Variants in GPR55 observed in about 807,000 individuals in gnomAD.
The protein encoded by GPR55 is G protein-coupled receptor 55.
In GPR55, 6 loss-of-function variants were observed where a neutral mutation model predicts 7.9. The observed-to-expected ratio is 0.76, with a 90% CI of 0.41 to 1.49. The LOEUF is 1.49. Ranked by LOEUF, GPR55 falls within the 40% of genes most tolerant of loss-of-function variation. The pLI is 0.01. For missense variants in GPR55, 376 were observed against 406.0 expected (o/e 0.93, Z 0.63); for synonymous variants, 183 against 166.8 (o/e 1.10, Z -0.75).
In GPR55 at chr2:230,915,083, C is replaced by T. The variant is rs1383740276; in HGVS notation, c.-134-3987G>A. Among the ~76,000 whole-genome samples, 3 of 152,244 alleles carry T rather than the reference C, an allele frequency of 2.0e-5. No individual in the cohort carries two copies. In the East Asian group the frequency reaches 5.8e-4, roughly 29 times the overall value. ...GGAGGAGCCCCACATCCGCAGAAAT[C>T]GCCCCAGGCTAGTGCCTCTGCCCAG... On this transcript the variant is annotated intron_variant, in intron 1 of 1. Transcript: ENST00000650999.
Position 230,938,397 on chromosome 2 carries a change from CAA to C in GPR55, c.-135+22376_-135+22377del, listed in dbSNP as rs66962280. Among the ~76,000 whole-genome samples, 321 of 116,252 alleles carry C rather than the reference CAA, an allele frequency of 2.8e-3. 1 individual carries two copies. Among genetic ancestry groups the C allele is most frequent in the African/African-American group, 7.9e-3 (272 of 34,550 alleles). 76.3% of individuals were successfully genotyped at this position (116,252 alleles called of 152,430 possible). ...AGTTCTCTTTCTGTAACCAGATGACCAAAAAAAAAAAAAAAACAAAGAAAGAA... is the reference window on the plus strand; with the variant it reads ...AGTTCTCTTTCTGTAACCAGATGACCAAAAAAAAAAAAAACAAAGAAAGAA... On this transcript the variant is annotated intron_variant, in intron 1 of 1. Coordinates refer to the GPR55 transcript ENST00000392039.
chr2:230,956,450 G>A (rs973615084), intron 1 of GPR55, among the ~76,000 whole-genome samples: 1 of 152,220 alleles, frequency 6.6e-6, no homozygotes, highest in Admixed American at 6.5e-5. Flanking sequence ...TTATAGGCAT[G>A]AGCCACCACT....
At chr2:230,955,784 T>G (rs1691473765) in intron 1 of GPR55, among the ~76,000 whole-genome samples, 2 of 150,970 alleles carry the variant, frequency 1.3e-5, no homozygotes, top group Non-Finnish European at 1.5e-5. Context: ...GTGCCTGCAG[T>G]GGTGTGATCA....
chr2:230,936,799 G>T (rs1372919600), intron 1 of GPR55, among the ~76,000 whole-genome samples: 1 of 152,140 alleles, frequency 6.6e-6, no homozygotes, highest in African/African-American at 2.4e-5. Context: ...ACACAAAAAT[G>T]AATTATTAGA....
chr2:230,928,057 C>T (rs1465322093), upstream of GPR55, among the ~76,000 whole-genome samples: 1 of 152,176 alleles, frequency 6.6e-6, no homozygotes, highest in African/African-American at 2.4e-5. Context: ...GGTGCAGGCA[C>T]AGGCAGGAGG....
At chr2:230,912,348 G>A (rs1219333805) in intron 1 of GPR55, among the ~76,000 whole-genome samples, 2 of 152,124 alleles carry the variant, frequency 1.3e-5, no homozygotes, top group East Asian at 3.8e-4. Context: ...CCAAGATATC[G>A]ATGTATCAGG....
At chr2:230,925,330 T>A (rs530951081), upstream of GPR55, 2 of 152,722 alleles carry the variant, frequency 1.3e-5, no homozygotes, top group South Asian at 4.2e-4. Context: ...GCCGCTCCAG[T>A]GTCACCCTGT....
intron 1 of GPR55, among the ~76,000 whole-genome samples, chr2:230,912,658 T>C (rs1400598175): frequency 2.0e-5 from 3 of 152,230 alleles, no homozygotes; most frequent in African/African-American, 4.8e-5. Flanking sequence ...CAGGCTGGTC[T>C]TGAACTCCTG....
At chr2:230,929,750 C>T (rs1408788177), upstream of GPR55, 2 of 152,090 alleles carry the variant, frequency 1.3e-5, no homozygotes, top group Non-Finnish European at 2.9e-5. Flanking sequence ...CAGAGGAGGC[C>T]CTTTACTACG....
chr2:230,959,692 A>G (rs1559182495), intron 1 of GPR55, among the ~76,000 whole-genome samples: 1 of 152,106 alleles, frequency 6.6e-6, no homozygotes, highest in Non-Finnish European at 1.5e-5. Flanking sequence ...TGCACAGAAA[A>G]CAATCAGAGC....
intron 1 of GPR55, among the ~76,000 whole-genome samples, chr2:230,921,199 A>G (rs374502402): frequency 2.0e-5 from 3 of 150,680 alleles, no homozygotes; most frequent in East Asian, 3.9e-4. Flanking sequence ...AGGAAATGCA[A>G]AAGAAATTTT....
chr2:230,930,554 G>T (rs537164072), intron 1 of GPR55, among the ~76,000 whole-genome samples: 10 of 151,264 alleles, frequency 6.6e-5, no homozygotes, highest in Admixed American at 2.0e-4. Flanking sequence ...GGGCTAAAGC[G>T]ATCCTCCCAC....
rs1691281884 is a variant in GPR55 at position 230,944,526 on chromosome 2, G to C, written c.-135+16249C>G. On this transcript the variant is annotated intron_variant, in intron 1 of 1. Coordinates refer to the GPR55 transcript ENST00000392039. The surrounding 1 kb of genome is among the most constrained non-coding windows in gnomAD (Gnocchi z 4.2). The stretch of plus-strand genomic sequence containing the variant: ...GAGATGACTGTGACACCCGGCACAA[G>C]ATTTAATTCTCAGAGTGAAAACGAG... 6.6e-6 allele frequency among the ~76,000 whole-genome samples: 1 copy of C among 152,220 alleles called. No individual in the cohort carries two copies. Among genetic ancestry groups the C allele is most frequent in the Non-Finnish European group, 1.5e-5 (1 of 68,048 alleles).
chr2:230,910,228 C>T lies in GPR55; in HGVS notation c.735G>A (p.Gly245=). ...TTCTCACCAGGAACTGCAGGAAGAA[C>T]CCCAGGTGGACTGGGAGGAAGGAGA... The part of the protein sequence containing the change: ...FVVSFLPVHL[G]FFLQFLVRNS... The change falls in exon 2 of 2, where the codon GGG becomes GGA. Residue 245 remains glycine, a synonymous_variant. Transcript: ENST00000650999. The surrounding 1 kb of genome is among the most constrained non-coding windows in gnomAD (Gnocchi z 5.4). 1 of 1,613,990 alleles carries T rather than the reference C, an allele frequency of 6.2e-7. No homozygotes were observed. The highest frequency in any genetic ancestry group is 8.5e-7 in the Non-Finnish European group (1 of 1,179,850).
In GPR55 at chr2:230,935,249, C is replaced by T. The variant is rs539566921; in HGVS notation, c.-134-24153G>A. Among the ~76,000 whole-genome samples, 13 of 152,298 alleles carry T rather than the reference C, an allele frequency of 8.5e-5. No homozygotes were observed. In the East Asian group the frequency reaches 2.3e-3, roughly 27 times the overall value. ...ATCAGAAAAGGGGCCTCAGGTTACA[C>T]AGAGGCAGGCACGTCTTAGGAACTA... On this transcript the variant is annotated intron_variant, in intron 1 of 1. Coordinates refer to the GPR55 transcript ENST00000392039.
At chr2:230,928,344 C>T (rs1338043638), upstream of GPR55, among the ~76,000 whole-genome samples, 4 of 152,134 alleles carry the variant, frequency 2.6e-5, no homozygotes, top group Non-Finnish European at 5.9e-5. Context: ...CTGAGGCAGC[C>T]GGACTCTGAA....
intron 1 of GPR55, among the ~76,000 whole-genome samples, chr2:230,940,000 C>A (rs1691198834): frequency 6.6e-6 from 1 of 152,232 alleles, no homozygotes; most frequent in African/African-American, 2.4e-5. Context: ...CCACTGCCAC[C>A]CCCAGTAGGC....
In GPR55 at chr2:230,910,044, C is replaced by A; in HGVS notation, c.919G>T (p.Val307Phe). The A allele has an allele frequency of 6.2e-7, 1 of 1,614,058 alleles. No homozygotes were observed. ...GTGGTGTCCTGCAGGACCAGCTGGA[C>A]CCTGGAAGGCCGGTGGGCCCTGATG... ...MNIRAHRPSRVQLVLQDTTIS... is the reference protein window; with the variant it reads ...MNIRAHRPSRFQLVLQDTTIS... Residue 307 changes from valine to phenylalanine, a missense_variant, in exon 2 of 2, where the codon GTC becomes TTC. Coordinates refer to ENST00000650999, the MANE Select transcript of GPR55 (RefSeq NM_005683.4). The surrounding 1 kb of genome is among the most constrained non-coding windows in gnomAD (Gnocchi z 5.4).
chr2:230,926,367 G>A (rs1690941034), upstream of GPR55, among the ~76,000 whole-genome samples: 2 of 152,220 alleles, frequency 1.3e-5, no homozygotes, highest in Admixed American at 1.3e-4. Flanking sequence ...TGGCCTGGGT[G>A]CCAAGACAGG....
Sources: gnomAD v4.1 joint callset for allele counts (sites outside exome capture counted in the v4.1 genomes callset) on GRCh38, gnomAD v4.1.1 for gene constraint, Gnocchi (gnomAD v3.1) non-coding constraint, MANE v1.5 for transcripts, NCBI Gene and HGNC (gene_info 2026-07-23, HGNC 2026-07-21) for gene names.